The following LAMB1 variants were observed in gnomAD, a reference collection of about 807,000 sequenced individuals.
LAMB1 encodes laminin subunit beta-1.
Under a neutral mutation model 222.3 loss-of-function variants are expected in LAMB1, and 121 were observed. That is an observed-to-expected ratio of 0.54 (90% CI 0.47 to 0.63). LAMB1 has a LOEUF of 0.63. Among genes scored for constraint, LAMB1 ranks in the 30% least tolerant of loss-of-function variants. LAMB1 has a pLI of 0.00. For missense variants in LAMB1, 2,172 were observed against 2,240.8 expected (o/e 0.97, Z 0.62); for synonymous variants, 794 against 807.2 (o/e 0.98, Z 0.28).
intron 22 of LAMB1, among the ~76,000 whole-genome samples, chr7:107,952,751 T>C (rs1468357814): frequency 2.0e-5 from 3 of 152,150 alleles, no homozygotes; most frequent in Non-Finnish European, 4.4e-5. Flanking sequence ...GAGGAAATGC[T>C]AGTTGATCTC....
intron 8 of LAMB1, among the ~76,000 whole-genome samples, chr7:107,979,675 A>T (rs1176599021): frequency 2.0e-5 from 3 of 152,168 alleles, no homozygotes; most frequent in Non-Finnish European, 4.4e-5. Context: ...TAAGTTGCAA[A>T]TGTGGCATAA....
intron 7 of LAMB1, among the ~76,000 whole-genome samples, chr7:107,985,592 G>T (rs2034058727): frequency 6.6e-6 from 1 of 151,876 alleles, no homozygotes; most frequent in South Asian, 2.1e-4. Context: ...TCGCGCCACT[G>T]CACTCCAGCC....
Position 107,946,134 on chromosome 7 carries a change from T to C in LAMB1, c.3391+5092A>G, listed in dbSNP as rs920665244. On this transcript the variant is annotated intron_variant, in intron 24 of 33. Transcript: ENST00000222399. ...ACCCTAAGATTCAGGTAATGGGGTT[T>C]TCTTCTGCCGTGGACCTTGCCTCAA... Among the ~76,000 whole-genome samples, 6 of 152,308 alleles carry C rather than the reference T, an allele frequency of 3.9e-5. No individual in the cohort carries two copies. In the East Asian group the frequency reaches 1.2e-3, roughly 29 times the overall value.
intron 5 of LAMB1, among the ~76,000 whole-genome samples, chr7:107,992,824 G>A (rs1407102099): frequency 6.6e-6 from 1 of 152,206 alleles, no homozygotes; most frequent in Non-Finnish European, 1.5e-5. Flanking sequence ...AAACCCAGGA[G>A]GCGGAGGGTG....
intron 14 of LAMB1, 100 bp from the exon 15 acceptor site, chr7:107,963,163 G>A (rs1260289058): frequency 8.7e-7 from 1 of 1,147,728 alleles, no homozygotes; most frequent in Non-Finnish European, 1.2e-6. Context: ...TTCAAAAAGG[G>A]TGGCTACCTT....
chr7:107,981,032 C>A (rs549899236), intron 7 of LAMB1, among the ~76,000 whole-genome samples: 2 of 152,270 alleles, frequency 1.3e-5, no homozygotes, highest in Non-Finnish European at 2.9e-5. Context: ...AGAATGTCGG[C>A]CGGGCGTGGT....
At chr7:107,939,306 A>G (rs549921642) in intron 25 of LAMB1, among the ~76,000 whole-genome samples, 1 of 151,566 alleles carries the variant, frequency 6.6e-6, no homozygotes, top group African/African-American at 2.4e-5. Context: ...CTAGGCTTCC[A>G]CTAACAAACA....
At chr7:107,985,990 C>T (rs764602425) in intron 7 of LAMB1, 32 bp downstream of exon 7, 1 of 1,529,750 alleles carries the variant, frequency 6.5e-7, no homozygotes, top group Non-Finnish European at 9.0e-7. Context: ...AACAAACTAA[C>T]AAAAAACACT....
chr7:107,953,774 A>C lies in LAMB1; in HGVS notation c.2855-20T>G. The C allele has an allele frequency of 6.2e-7, 1 of 1,605,858 alleles. No homozygotes were observed. The highest frequency in any genetic ancestry group is 1.1e-5 in the South Asian group (1 of 90,880). ...TGGAACCTGTCACCCGATAAAACCA[A>C]ACACAAGATGTTTAGCTTATTGACT... On this transcript the variant is annotated intron_variant, in intron 21 of 33. Transcript: ENST00000222399.
intron 2 of LAMB1, chr7:108,002,015 C>A: frequency 6.9e-7 from 1 of 1,446,254 alleles, no homozygotes; most frequent in South Asian, 1.5e-5. Flanking sequence ...TCGCGCCCAC[C>A]CTGATCAGCC....
At chr7:107,999,998 TACAA>T (rs1259839617) in intron 3 of LAMB1, 1 of 152,168 alleles carries the variant, frequency 6.6e-6, no homozygotes, top group Non-Finnish European at 1.5e-5. Context: ...TTGCTTTTAA[TACAA>T]ACAGTGTGAT....
intron 9 of LAMB1, among the ~76,000 whole-genome samples, chr7:107,977,511 C>T (rs1255812511): frequency 1.3e-5 from 2 of 152,138 alleles, no homozygotes; most frequent in Admixed American, 6.5e-5. Flanking sequence ...ACAGCCCTGG[C>T]GCGGTGGCTC....
chr7:108,002,056 A>G (rs2034398571), intron 2 of LAMB1: 2 of 1,444,546 alleles, frequency 1.4e-6, no homozygotes, highest in South Asian at 1.4e-5. Flanking sequence ...CAAAGGGTGG[A>G]TGTGTAGACC....
chr7:107,931,731 T>G (rs1298531540), intron 28 of LAMB1: 1 of 529,440 alleles, frequency 1.9e-6, no homozygotes, highest in Admixed American at 3.8e-5. Flanking sequence ...TTTAAAATTT[T>G]TCAAGTTGTT....
chr7:107,950,061 C>T (rs544908961), intron 24 of LAMB1, among the ~76,000 whole-genome samples: 4 of 152,258 alleles, frequency 2.6e-5, no homozygotes, highest in African/African-American at 9.6e-5. Flanking sequence ...GAAACCCCAT[C>T]TCTACTAAAA....
intron 7 of LAMB1, 50 bp from the exon 8 acceptor site, chr7:107,980,861 T>G (rs2033958380): frequency 2.3e-6 from 1 of 443,060 alleles, no homozygotes; most frequent in South Asian, 3.4e-5. Context: ...AAGCAAGAAG[T>G]TTTTTTTTTT....
At chr7:107,992,052 C>T (rs540262819) in intron 5 of LAMB1, among the ~76,000 whole-genome samples, 1 of 152,250 alleles carries the variant, frequency 6.6e-6, no homozygotes, top group Non-Finnish European at 1.5e-5. Flanking sequence ...CCTTCTCTCA[C>T]TACCCCAAAC....
At chr7:107,925,727 A>G (rs2032546426) in intron 32 of LAMB1, among the ~76,000 whole-genome samples, 1 of 152,172 alleles carries the variant, frequency 6.6e-6, no homozygotes, top group South Asian at 2.1e-4. Flanking sequence ...TTAATTCAAA[A>G]TGAGTCTCAA....
At chr7:107,964,932 G>A (rs146016566) in intron 13 of LAMB1, among the ~76,000 whole-genome samples, 61 of 152,252 alleles carry the variant, frequency 4.0e-4, no homozygotes, top group African/African-American at 1.2e-3. Flanking sequence ...CTAACACGCC[G>A]TCCGCATCAC....
Sources: allele counts gnomAD v4.1 joint callset (sites outside exome capture counted in the v4.1 genomes callset), GRCh38; gene constraint gnomAD v4.1.1; transcripts MANE v1.5; gene names NCBI Gene and HGNC (gene_info 2026-07-23, HGNC 2026-07-21).